The following OPCML variants were observed in gnomAD, a reference collection of about 807,000 sequenced individuals.
OPCML encodes opioid binding protein/cell adhesion molecule like.
A neutral mutation model predicts 37.8 loss-of-function variants in OPCML; 13 were observed. That is an observed-to-expected ratio of 0.34 (90% CI 0.22 to 0.55). OPCML has a LOEUF of 0.55. OPCML is among the 20% of genes least tolerant of loss of function. The pLI, the probability that OPCML is intolerant of heterozygous loss-of-function variation, is 0.91. For synonymous variants in OPCML, 176 were observed against 168.8 expected, an observed-to-expected ratio of 1.04 and a Z score of -0.33; for missense variants, 341 against 435.6, an observed-to-expected ratio of 0.78 and a Z score of 1.93.
intron 3 of OPCML, among the ~76,000 whole-genome samples, chr11:132,626,885 T>A (rs1442636946): frequency 4.0e-5 from 6 of 150,792 alleles, no homozygotes; most frequent in African/African-American, 1.2e-4. Flanking sequence ...CACATACATA[T>A]ACATATATGT....
At chr11:133,084,920 AT>A (rs1431692745) in intron 1 of OPCML, among the ~76,000 whole-genome samples, 1 of 152,130 alleles carries the variant, frequency 6.6e-6, no homozygotes, top group East Asian at 1.9e-4. Context: ...CCTCCACCAT[AT>A]TGTTCATCTG....
chr11:133,325,283 C>T (rs1229553640), intron 1 of OPCML, among the ~76,000 whole-genome samples: 2 of 152,176 alleles, frequency 1.3e-5, no homozygotes, highest in Non-Finnish European at 2.9e-5. Flanking sequence ...TCTTTTTTGG[C>T]CTCTTCGTTT....
At position 132,592,944 on chromosome 11, in the gene OPCML, C is replaced by T. The variant is rs982439488; in HGVS notation, c.380-63758G>A. 2.0e-5 allele frequency among the ~76,000 whole-genome samples: 3 copies of T among 152,192 alleles called. No homozygotes were observed. In the South Asian group the frequency reaches 6.2e-4, roughly 31 times the overall value. The stretch of plus-strand genomic sequence containing the variant: ...GGCGTACAGCAATACATAGAAAATA[C>T]TGCCTTTCTCTTCGAGGAGAGAGCA... On this transcript the variant is annotated intron_variant, in intron 3 of 7. Transcript: ENST00000524381.
chr11:133,379,666 T>C (rs1278681037), intron 1 of OPCML, among the ~76,000 whole-genome samples: 3 of 152,206 alleles, frequency 2.0e-5, no homozygotes, highest in African/African-American at 7.2e-5. Context: ...AAAGTTAGGC[T>C]AAGTTCAGTA....
intron 1 of OPCML, among the ~76,000 whole-genome samples, chr11:133,077,373 G>A (rs1591979382): frequency 6.6e-6 from 1 of 152,108 alleles, no homozygotes. Context: ...AGTAGGAAGT[G>A]GAAAGCAATC....
intron 2 of OPCML, among the ~76,000 whole-genome samples, chr11:132,713,667 A>G (rs1187372471): frequency 2.0e-5 from 3 of 152,194 alleles, no homozygotes; most frequent in African/African-American, 7.2e-5. Context: ...GAGTTGGCCC[A>G]AGATCTGGTT....
intron 3 of OPCML, among the ~76,000 whole-genome samples, chr11:132,615,165 A>G (rs574159145): frequency 6.6e-6 from 1 of 152,360 alleles, no homozygotes; most frequent in South Asian, 2.1e-4. Context: ...AGATAGCTCA[A>G]AAATAACAAT....
intron 1 of OPCML, among the ~76,000 whole-genome samples, chr11:132,993,018 A>G (rs957881405): frequency 6.6e-6 from 1 of 152,174 alleles, no homozygotes; most frequent in Admixed American, 6.5e-5. Flanking sequence ...AGTGCTGGTT[A>G]GGAGTTTGTG....
intron 2 of OPCML, among the ~76,000 whole-genome samples, chr11:132,890,479 T>C (rs918487332): frequency 1.3e-5 from 2 of 152,054 alleles, no homozygotes; most frequent in South Asian, 2.1e-4. Context: ...TATTTAGACA[T>C]GCAACTTTTA....
intron 1 of OPCML, among the ~76,000 whole-genome samples, chr11:133,181,704 GC>G (rs1277555054): frequency 6.6e-6 from 1 of 152,166 alleles, no homozygotes; most frequent in Non-Finnish European, 1.5e-5. Flanking sequence ...GGCAAATGCT[GC>G]CATCAGACAA....
chr11:133,399,550 C>G (rs1003941021), intron 1 of OPCML, among the ~76,000 whole-genome samples: 1 of 152,162 alleles, frequency 6.6e-6, no homozygotes, highest in South Asian at 2.1e-4. Context: ...TGCCATGGCA[C>G]AGCCTGTCTG....
At chr11:132,437,191 C>G (rs775987547) in intron 5 of OPCML, 31 bp downstream of exon 5, 4 of 1,606,456 alleles carry the variant, frequency 2.5e-6, no homozygotes, top group Non-Finnish European at 3.4e-6. Flanking sequence ...CCGTCTTTTC[C>G]CCAGAACCCC....
chr11:133,016,555 C>T (rs1947339624), intron 1 of OPCML, among the ~76,000 whole-genome samples: 1 of 152,162 alleles, frequency 6.6e-6, no homozygotes, highest in Non-Finnish European at 1.5e-5. Context: ...TTGGATAATC[C>T]AGGATGTTCA....
In OPCML at chr11:133,382,374, C is replaced by T. The variant is rs534489997; in HGVS notation, c.61+149890G>A. 4.6e-5 allele frequency among the ~76,000 whole-genome samples: 7 copies of T among 152,296 alleles called. No individual in the cohort carries two copies. In the South Asian group the frequency reaches 1.2e-3, roughly 27 times the overall value. On this transcript the variant is annotated intron_variant, in intron 1 of 7. Transcript: ENST00000524381. Reference sequence around the variant, plus strand: ...GTATCCATGCAGTAAGCATGTTTGACCTCATTCGTGAGCGATTGGAGAAGG... The same window carrying T: ...GTATCCATGCAGTAAGCATGTTTGATCTCATTCGTGAGCGATTGGAGAAGG...
chr11:133,436,173 GAAC>G lies in OPCML; in HGVS notation c.61+96088_61+96090del, dbSNP rs559158919. On this transcript the variant is annotated intron_variant, in intron 1 of 7. Transcript: ENST00000524381. The stretch of plus-strand genomic sequence containing the variant: ...AATGCTAACATACCTACTGCAATGA[GAAC>G]AACAACAAAATACTATTTTGCTTAT... Among the ~76,000 whole-genome samples, 4 of 152,002 alleles carry G rather than the reference GAAC, an allele frequency of 2.6e-5. No individual in the cohort carries two copies. The South Asian group carries it at 8.3e-4, about 32-fold the overall frequency.
chr11:132,726,162 T>A (rs923922726), intron 2 of OPCML, among the ~76,000 whole-genome samples: 2 of 152,170 alleles, frequency 1.3e-5, no homozygotes, highest in African/African-American at 4.8e-5. Context: ...CACTCTACTG[T>A]TTTTATGCTG....
intron 1 of OPCML, among the ~76,000 whole-genome samples, chr11:133,031,856 A>G (rs1184360683): frequency 6.6e-6 from 1 of 152,176 alleles, no homozygotes; most frequent in Non-Finnish European, 1.5e-5. Flanking sequence ...AAGACCTCTC[A>G]ACAAGAATAA....
intron 4 of OPCML, among the ~76,000 whole-genome samples, chr11:132,442,115 C>A (rs2096037921): frequency 6.6e-6 from 1 of 152,122 alleles, no homozygotes; most frequent in Admixed American, 6.5e-5. Context: ...GGGGCAGAGA[C>A]AATATGGAAA....
intron 1 of OPCML, among the ~76,000 whole-genome samples, chr11:133,244,629 T>C (rs1417238071): frequency 6.6e-6 from 1 of 152,104 alleles, no homozygotes; most frequent in African/African-American, 2.4e-5. Flanking sequence ...CTTGCTGTTC[T>C]CAGGATAGTG....
Sources: gnomAD v4.1 joint callset for allele counts (sites outside exome capture counted in the v4.1 genomes callset) on GRCh38, gnomAD v4.1.1 for gene constraint, MANE v1.5 for transcripts, NCBI Gene and HGNC (gene_info 2026-07-23, HGNC 2026-07-21) for gene names.